The following SLC35F2 variants were observed in gnomAD, a reference collection of about 807,000 sequenced individuals.
SLC35F2 encodes queuine/queuosine transporter SLC35F2.
Under a neutral mutation model 38.1 loss-of-function variants are expected in SLC35F2, and 25 were observed. The ratio of observed to expected loss-of-function variants is 0.66; its 90% CI spans 0.48 to 0.92. The LOEUF (loss-of-function observed/expected upper bound fraction) is 0.92, where lower values mean the gene tolerates loss of function less well. SLC35F2 is among the 40% of genes least tolerant of loss of function. The pLI, the probability that SLC35F2 is intolerant of heterozygous loss-of-function variation, is 0.00. For missense variants in SLC35F2, 409 were observed against 452.9 expected (o/e 0.90, Z 0.88); for synonymous variants, 173 against 181.7 (o/e 0.95, Z 0.38).
intron 7 of SLC35F2, among the ~76,000 whole-genome samples, chr11:107,798,218 C>T (rs971431220): frequency 2.0e-5 from 3 of 151,874 alleles, no homozygotes; most frequent in African/African-American, 7.3e-5. Context: ...TGGCCGGGCT[C>T]GTCTCAAACT....
At chr11:107,843,862 A>ATAT in intron 1 of SLC35F2, among the ~76,000 whole-genome samples, 1 of 37,196 alleles carries the variant, frequency 2.7e-5, no homozygotes, top group African/African-American at 9.9e-5. Flanking sequence ...AAAAAAAAAA[A>ATAT]AAAAAAATAT....
At chr11:107,824,813 C>A (rs1194277123) in intron 1 of SLC35F2, among the ~76,000 whole-genome samples, 2 of 152,152 alleles carry the variant, frequency 1.3e-5, no homozygotes, top group Non-Finnish European at 2.9e-5. Context: ...ACCTCTTGAC[C>A]ATACCTGTCT....
intron 1 of SLC35F2, chr11:107,821,438 G>A (rs1271439147): frequency 1.0e-6 from 1 of 985,366 alleles, no homozygotes. Flanking sequence ...AGGAGTAGGA[G>A]AGCAAGAGTG....
At chr11:107,815,624 T>C (rs1433594462) in intron 2 of SLC35F2, among the ~76,000 whole-genome samples, 166 bp downstream of exon 2, 1 of 151,810 alleles carries the variant, frequency 6.6e-6, no homozygotes, top group South Asian at 2.1e-4. Flanking sequence ...TTTGGACAAC[T>C]TCTGTGTTAC....
chr11:107,831,462 C>G (rs894555586), intron 1 of SLC35F2, among the ~76,000 whole-genome samples: 1 of 152,104 alleles, frequency 6.6e-6, no homozygotes, highest in East Asian at 1.9e-4. Flanking sequence ...CGGCCTCAGG[C>G]GATCCTCATG....
intron 7 of SLC35F2, among the ~76,000 whole-genome samples, chr11:107,799,759 G>A (rs1043516496): frequency 2.6e-5 from 4 of 151,932 alleles, no homozygotes; most frequent in African/African-American, 7.3e-5. Flanking sequence ...TTGTAAAGAC[G>A]GGGTTTCACC....
chr11:107,846,642 G>C (rs896077986), intron 1 of SLC35F2, among the ~76,000 whole-genome samples: 1 of 152,172 alleles, frequency 6.6e-6, no homozygotes, highest in African/African-American at 2.4e-5. Context: ...ATTTAAAAGT[G>C]AATTTTAGGC....
intron 7 of SLC35F2, among the ~76,000 whole-genome samples, chr11:107,793,652 T>G (rs1362881199): frequency 2.0e-5 from 3 of 152,178 alleles, no homozygotes; most frequent in Admixed American, 6.5e-5. Flanking sequence ...AAATTTATGG[T>G]GGACTGAGCA....
intron 3 of SLC35F2, chr11:107,809,966 C>T (rs891537027): frequency 2.0e-6 from 2 of 985,246 alleles, no homozygotes; most frequent in African/African-American, 3.5e-5. Flanking sequence ...TGAGCAGCAA[C>T]CTGGGCCACA....
At chr11:107,830,048 G>T (rs1344329758) in intron 1 of SLC35F2, among the ~76,000 whole-genome samples, 1 of 151,634 alleles carries the variant, frequency 6.6e-6, no homozygotes, top group Non-Finnish European at 1.5e-5. Flanking sequence ...GATCACCTAA[G>T]GCCACAAGTT....
intron 2 of SLC35F2, among the ~76,000 whole-genome samples, chr11:107,815,086 G>A (rs1333528445): frequency 6.6e-6 from 1 of 150,960 alleles, no homozygotes; most frequent in Non-Finnish European, 1.5e-5. Context: ...TAAAAAAAAA[G>A]AGAGAGAGAC....
chr11:107,809,797 G>A, intron 3 of SLC35F2: 1 of 985,214 alleles, frequency 1.0e-6, no homozygotes, highest in Non-Finnish European at 1.2e-6. Flanking sequence ...AGGTACAATA[G>A]AGTATAGAAG....
chr11:107,804,180 G>A (rs1859360541), intron 6 of SLC35F2, among the ~76,000 whole-genome samples: 1 of 152,050 alleles, frequency 6.6e-6, no homozygotes, highest in South Asian at 2.1e-4. Context: ...AACCATGGTA[G>A]ACAATCTTCC....
At chr11:107,823,151 T>C (rs1859701586) in intron 1 of SLC35F2, 17 of 985,284 alleles carry the variant, frequency 1.7e-5, no homozygotes, top group Non-Finnish European at 1.9e-5. Context: ...CCAAACCAGT[T>C]GGATCAGATT....
rs1415613109 is a variant in SLC35F2, at chr11:107,815,839, A to T, written c.237T>A (p.Asn79Lys). The T allele has an allele frequency of 6.2e-7, 1 of 1,613,822 alleles. No homozygotes were observed. The highest frequency in any genetic ancestry group is 1.7e-5 in the Admixed American group (1 of 59,952). The change falls in exon 2 of 8, where the codon AAT becomes AAA. Residue 79 changes from asparagine to lysine, a missense_variant. Coordinates refer to ENST00000525815, the MANE Select transcript of SLC35F2 (RefSeq NM_017515.5). Reference protein sequence around the residue: ...VNTPMLQSFINYCLLFLIYTV... With the variant: ...VNTPMLQSFIKYCLLFLIYTV... ...TATAAATTAGGAACAGCAAGCAATAATTGATAAAGCTCTGAAGCATGGGGG... is the reference window on the plus strand; with the variant it reads ...TATAAATTAGGAACAGCAAGCAATATTTGATAAAGCTCTGAAGCATGGGGG...
intron 1 of SLC35F2, among the ~76,000 whole-genome samples, chr11:107,850,502 A>G (rs1365096648): frequency 6.6e-6 from 1 of 152,120 alleles, no homozygotes; most frequent in Non-Finnish European, 1.5e-5. Context: ...CCAGGTATCT[A>G]CATCTTACAG....
intron 1 of SLC35F2, among the ~76,000 whole-genome samples, chr11:107,820,783 CCGTCT>C (rs1207811512): frequency 2.6e-5 from 4 of 152,106 alleles, no homozygotes; most frequent in Admixed American, 1.3e-4. Flanking sequence ...TAGTGAAATC[CCGTCT>C]CTACTAAAAA....
intron 1 of SLC35F2, among the ~76,000 whole-genome samples, chr11:107,844,662 A>G (rs1430228811): frequency 8.5e-6 from 1 of 118,132 alleles, no homozygotes; most frequent in Non-Finnish European, 1.9e-5. Flanking sequence ...ATAAATAAAT[A>G]AATAAATAAA....
intron 1 of SLC35F2, among the ~76,000 whole-genome samples, chr11:107,820,427 A>G (rs1859649796): frequency 6.6e-6 from 1 of 151,994 alleles, no homozygotes; most frequent in African/African-American, 2.4e-5. Flanking sequence ...GGCCCAGAAG[A>G]GAGTAGTGTT....
Sources: allele counts gnomAD v4.1 joint callset (sites outside exome capture counted in the v4.1 genomes callset), GRCh38; gene constraint gnomAD v4.1.1; transcripts MANE v1.5; gene names NCBI Gene and HGNC (gene_info 2026-07-23, HGNC 2026-07-21).